Variants in MARK1 observed in about 807,000 individuals in gnomAD.
MARK1 encodes serine/threonine-protein kinase MARK1.
A neutral mutation model predicts 96.3 loss-of-function variants in MARK1; 40 were observed. That is an observed-to-expected ratio of 0.42 (90% CI 0.32 to 0.54). The LOEUF (loss-of-function observed/expected upper bound fraction) is 0.54. Among genes scored for constraint, MARK1 ranks in the 20% least tolerant of loss-of-function variants. The pLI, the probability that MARK1 is intolerant of heterozygous loss-of-function variation, is 0.16. For synonymous variants in MARK1, 317 were observed against 341.2 expected (o/e 0.93, Z 0.78); for missense variants, 719 against 984.6 (o/e 0.73, Z 3.61).
chr1:220,661,534 T>G (rs1669483247), intron 17 of MARK1, among the ~76,000 whole-genome samples: 1 of 152,216 alleles, frequency 6.6e-6, no homozygotes, highest in Non-Finnish European at 1.5e-5. Context: ...ATTAAGTTCT[T>G]CACTTTCAGT....
At chr1:220,608,550 A>G (rs924777996) in intron 6 of MARK1, among the ~76,000 whole-genome samples, 1 of 151,862 alleles carries the variant, frequency 6.6e-6, no homozygotes, top group Non-Finnish European at 1.5e-5. Flanking sequence ...TTATGTCTCA[A>G]TCTCCTTCAA....
chr1:220,661,129 C>G (rs890036143), intron 17 of MARK1, among the ~76,000 whole-genome samples: 2 of 152,076 alleles, frequency 1.3e-5, no homozygotes, highest in Non-Finnish European at 2.9e-5. Context: ...CCCGTGTGTT[C>G]AAGGAGCAGC....
chr1:220,616,220 T>C (rs1374085659), intron 7 of MARK1, among the ~76,000 whole-genome samples: 2 of 152,162 alleles, frequency 1.3e-5, no homozygotes, highest in Non-Finnish European at 2.9e-5. Flanking sequence ...TTAGACGATT[T>C]GATTCACTAT....
In MARK1 at chr1:220,561,969, G is replaced by A. The variant is rs547361565; in HGVS notation, c.52-17385G>A. On this transcript the variant is annotated intron_variant, in intron 1 of 17. Transcript: ENST00000366917. ...ATGAGAAGAAGGCCATGATTTCAGA[G>A]GGATGATCCTTTTAAGAGAGAACAT... Among the ~76,000 whole-genome samples, 4 of 152,290 alleles carry A rather than the reference G, an allele frequency of 2.6e-5. No homozygotes were observed. In the East Asian group the frequency reaches 7.7e-4, roughly 29 times the overall value.
intron 1 of MARK1, among the ~76,000 whole-genome samples, chr1:220,541,061 T>G (rs1263152893): frequency 3.9e-5 from 6 of 151,970 alleles, no homozygotes; most frequent in Admixed American, 2.6e-4. Flanking sequence ...GCCTCCTGAG[T>G]AGCTGGAATT....
chr1:220,616,479 G>A (rs1666756414), intron 7 of MARK1, among the ~76,000 whole-genome samples: 1 of 152,148 alleles, frequency 6.6e-6, no homozygotes, highest in South Asian at 2.1e-4. Flanking sequence ...ATAAATGGTT[G>A]TGCCACATAG....
chr1:220,640,458 G>A (rs1668204497), intron 13 of MARK1, among the ~76,000 whole-genome samples: 1 of 152,142 alleles, frequency 6.6e-6, no homozygotes, highest in African/African-American at 2.4e-5. Context: ...GGAGAGTTTT[G>A]AGTTAAATAG....
intron 16 of MARK1, among the ~76,000 whole-genome samples, chr1:220,657,475 T>C (rs1669236526): frequency 6.6e-6 from 1 of 152,238 alleles, no homozygotes; most frequent in Non-Finnish European, 1.5e-5. Flanking sequence ...GTTTTAACTT[T>C]AGATTAAACT....
chr1:220,533,379 T>A (rs982739592), intron 1 of MARK1, among the ~76,000 whole-genome samples: 3 of 152,094 alleles, frequency 2.0e-5, no homozygotes, highest in Admixed American at 1.3e-4. Context: ...TCTTTTTTTT[T>A]TATAAAAATC....
intron 16 of MARK1, among the ~76,000 whole-genome samples, chr1:220,655,431 A>G (rs1445771990): frequency 6.6e-6 from 1 of 152,320 alleles, no homozygotes; most frequent in African/African-American, 2.4e-5. Context: ...AACATGTTCA[A>G]AAGTAAACTC....
In MARK1 at chr1:220,618,377, T is replaced by G; in HGVS notation, c.620T>G (p.Phe207Cys). The change falls in exon 8 of 18, where the codon TTT becomes TGT. Residue 207 changes from phenylalanine (F) to cysteine (C), a missense_variant. By Grantham distance (205) the Phe-to-Cys change is radical. Around this residue, in one of 4 missense-constraint regions of MARK1, gnomAD observed 96 missense variants for 213.1 expected, o/e 0.45. Transcript: ENST00000366917. This position sits in a 1 kb window ranked among gnomAD's most constrained non-coding sequence, Gnocchi z 4.6. ...KIADFGFSNEFTVGNKLDTFC... is the reference protein window; with the variant it reads ...KIADFGFSNECTVGNKLDTFC... ...GCTGACTTTGGTTTTAGTAATGAAT[T>G]TACAGTTGGGAACAAATTGGACACA... is the stretch of plus-strand genomic sequence containing the variant. 1.2e-6 allele frequency: 2 copies of G among 1,614,160 alleles called. No homozygotes were observed. The highest frequency in any genetic ancestry group is 1.7e-6 in the Non-Finnish European group (2 of 1,180,022).
chr1:220,560,213 C>T (rs897329614), intron 1 of MARK1, among the ~76,000 whole-genome samples: 4 of 152,114 alleles, frequency 2.6e-5, no homozygotes, highest in Admixed American at 2.6e-4. Context: ...AGGTCCTTCC[C>T]ACAACACATA....
chr1:220,550,992 C>T (rs2102741970), intron 1 of MARK1, among the ~76,000 whole-genome samples: 1 of 152,280 alleles, frequency 6.6e-6, no homozygotes, highest in East Asian at 1.9e-4. Flanking sequence ...GGCTGAAATC[C>T]TCAGGGCCAG....
At chr1:220,569,552 C>G (rs894754947) in intron 1 of MARK1, among the ~76,000 whole-genome samples, 5 of 151,864 alleles carry the variant, frequency 3.3e-5, no homozygotes, top group Non-Finnish European at 5.9e-5. Context: ...ACATTTATAT[C>G]CTTAATCAAT....
chr1:220,578,396 A>G (rs1373319239), intron 1 of MARK1, among the ~76,000 whole-genome samples: 3 of 152,138 alleles, frequency 2.0e-5, no homozygotes, highest in African/African-American at 7.2e-5. Flanking sequence ...CTCCATTGCA[A>G]TTGTAGGTTA....
At chr1:220,561,829 A>T (rs1662687158) in intron 1 of MARK1, among the ~76,000 whole-genome samples, 1 of 152,188 alleles carries the variant, frequency 6.6e-6, no homozygotes, top group African/African-American at 2.4e-5. Flanking sequence ...TTACTTCTAG[A>T]TATTCTAGAT....
intron 1 of MARK1, among the ~76,000 whole-genome samples, chr1:220,539,773 G>C (rs1482846815): frequency 1.3e-5 from 2 of 151,474 alleles, no homozygotes; most frequent in Non-Finnish European, 2.9e-5. Context: ...TGAATTGCTA[G>C]GTTTTTTTTT....
rs976981562 is a variant in MARK1 at position 220,558,524 on chromosome 1, T to C, written c.52-20830T>C. On this transcript the variant is annotated intron_variant, in intron 1 of 17. Transcript: ENST00000366917. ...ACTAAAGCTTGCTGACAATGAAAGG[T>C]TGAAAAAAAGATGATTAAGAATCTG... Among the ~76,000 whole-genome samples, 2 of 151,686 alleles carry C rather than the reference T, an allele frequency of 1.3e-5. 1 individual carries two copies. Among genetic ancestry groups the C allele is most frequent in the African/African-American group, 4.8e-5 (2 of 41,322 alleles).
In MARK1 at chr1:220,618,928, A is replaced by C. The variant is rs1482252227; in HGVS notation, c.909+173A>C. Among the ~76,000 whole-genome samples the C allele has an allele frequency of 6.6e-6, 1 of 152,226 alleles. No homozygotes were observed. The highest frequency in any genetic ancestry group is 1.5e-5 in the Non-Finnish European group (1 of 68,032). ...TTTTTTCACTTTCAAAAGTTGCCAC[A>C]GTAGCTGTCTCTAAAAACTATTATT... is the stretch of plus-strand genomic sequence containing the variant. On this transcript the variant is annotated intron_variant, in intron 9 of 17. Transcript: ENST00000366917. The surrounding 1 kb of genome is among the most constrained non-coding windows in gnomAD (Gnocchi z 4.6).
Sources: allele counts gnomAD v4.1 joint callset (sites outside exome capture counted in the v4.1 genomes callset), GRCh38; gene constraint gnomAD v4.1.1; regional missense constraint gnomAD v4.1.1; non-coding constraint Gnocchi (gnomAD v3.1); transcripts MANE v1.5; gene names NCBI Gene and HGNC (gene_info 2026-07-23, HGNC 2026-07-21).